Variants in ANHX observed in about 807,000 individuals in gnomAD.
ANHX encodes anomalous homeobox protein.
In ANHX, 20 loss-of-function variants were observed where a neutral mutation model predicts 38.9. The observed-to-expected ratio is 0.51, with a 90% CI of 0.36 to 0.75. ANHX has a LOEUF of 0.75. Among genes scored for constraint, ANHX ranks in the 30% least tolerant of loss-of-function variants. The pLI is 0.00. For synonymous variants in ANHX, 185 were observed against 203.1 expected (o/e 0.91, Z 0.76); for missense variants, 475 against 493.1 (o/e 0.96, Z 0.35).
Position 133,219,332 on chromosome 12 carries a change from G to C in ANHX, c.1316C>G (p.Pro439Arg), listed in dbSNP as rs1054886305. The C allele has an allele frequency of 1.0e-5, 16 of 1,535,018 alleles. No individual in the cohort carries two copies. In the Admixed American group the frequency reaches 2.0e-4, roughly 19 times the overall value. The change falls in exon 9 of 10, where the codon CCC (proline) becomes CGC (arginine). Residue 439 changes from proline to arginine, a missense_variant. Physicochemically the swap from Pro to Arg is moderately radical, Grantham distance 103. Transcript: ENST00000545940. ...PELAPAPSAF[P>R]GPVSAMELSQ... The stretch of plus-strand genomic sequence containing the variant: ...CAGCTCCATGGCAGACACAGGGCCG[G>C]GGAAGGCAGATGGGGCTGGGGCCAG...
At chr12:133,235,130 C>G (rs1217890353) in intron 1 of ANHX, 1 of 152,268 alleles carries the variant, frequency 6.6e-6, no homozygotes, top group Admixed American at 6.5e-5. Context: ...TTCCCGGGCT[C>G]TAGCGCCATC....
At chr12:133,223,679 C>G (rs945648739) in intron 7 of ANHX, among the ~76,000 whole-genome samples, 2 of 152,006 alleles carry the variant, frequency 1.3e-5, no homozygotes, top group African/African-American at 4.8e-5. Context: ...ATCTCTTGAC[C>G]TCATGATCCG....
chr12:133,227,187 C>A (rs1957201821), intron 4 of ANHX, 35 bp from the exon 5 acceptor site: 1 of 1,514,654 alleles, frequency 6.6e-7, no homozygotes. Flanking sequence ...AGCCCTGCTT[C>A]CATTCCCTGA....
At chr12:133,230,389 G>T (rs1197314008) in intron 3 of ANHX, among the ~76,000 whole-genome samples, 1 of 152,230 alleles carries the variant, frequency 6.6e-6, no homozygotes, top group African/African-American at 2.4e-5. Context: ...TACCACGCAA[G>T]AAAATTCTCT....
intron 7 of ANHX, among the ~76,000 whole-genome samples, chr12:133,224,882 G>A (rs1158516883): frequency 2.7e-5 from 4 of 150,728 alleles, no homozygotes; most frequent in Admixed American, 2.6e-4. Context: ...CAGGAGAATG[G>A]CGTGAACCTG....
intron 7 of ANHX, among the ~76,000 whole-genome samples, chr12:133,223,099 G>C (rs1428858829): frequency 6.6e-6 from 1 of 151,980 alleles, no homozygotes; most frequent in Non-Finnish European, 1.5e-5. Context: ...TGAGGCAGGA[G>C]AATCGCTTGA....
chr12:133,218,890 C>T lies in ANHX; in HGVS notation c.1447G>A (p.Gly483Ser), dbSNP rs1346620338. 6.6e-7 allele frequency: 1 copy of T among 1,523,612 alleles called. No individual in the cohort carries two copies. The highest frequency in any genetic ancestry group is 8.8e-7 in the Non-Finnish European group (1 of 1,138,400). 94.4% of individuals were successfully genotyped at this position (1,523,612 alleles called of 1,614,324 possible). A position where few individuals can be genotyped will look rare whatever the true frequency, so the allele number is the denominator to read the frequency against. Residue 483 changes from glycine to serine, a missense_variant, in exon 10 of 10, where the codon GGC becomes AGC. By Grantham distance (56) the Gly-to-Ser change is moderately conservative. Coordinates refer to ENST00000545940, the MANE Select transcript of ANHX (RefSeq NM_001372060.1). Reference protein sequence around the residue: ...MLLEFSGSSLG With the variant: ...MLLEFSGSSLS Reference sequence around the variant, plus strand: ...GTCTGGCTCCTGGGGATAGCTCAGCCCAGGCTGCTCCCTGAAAACTCAAGG... The same window carrying T: ...GTCTGGCTCCTGGGGATAGCTCAGCTCAGGCTGCTCCCTGAAAACTCAAGG...
intron 1 of ANHX, chr12:133,234,627 G>A (rs1179893693): frequency 4.4e-6 from 2 of 451,886 alleles, no homozygotes; most frequent in African/African-American, 4.0e-5. Context: ...CACTGGGCTG[G>A]GTACTGTCTG....
intron 1 of ANHX, chr12:133,235,490 C>T (rs1273984956): frequency 6.6e-6 from 1 of 151,138 alleles, no homozygotes; most frequent in African/African-American, 2.5e-5. Flanking sequence ...AGCCCCCCTA[C>T]CTTTCTGGCA....
At chr12:133,219,700 G>A (rs893000464) in intron 8 of ANHX, among the ~76,000 whole-genome samples, 1 of 152,148 alleles carries the variant, frequency 6.6e-6, no homozygotes, top group African/African-American at 2.4e-5. Context: ...CAGGACAAGG[G>A]GCGGTGGTTC....
rs562584094 is a variant in ANHX, at chr12:133,219,220, C to T, written c.1365+63G>A. On this transcript the variant is annotated intron_variant, in intron 9 of 9. Transcript: ENST00000545940. ...GTGGCACTAGCTGAACCCTCCTCAG[C>T]ACCATGAGCTGCAGATCCAGGAGTA... 49 of 1,417,200 alleles carry T rather than the reference C, an allele frequency of 3.5e-5. No homozygotes were observed. The East Asian group carries it at 1.2e-3, about 35-fold the overall frequency. 87.8% of individuals were successfully genotyped at this position (1,417,200 alleles called of 1,614,324 possible). A position where few individuals can be genotyped will look rare whatever the true frequency, so the allele number is the denominator to read the frequency against.
At chr12:133,224,945 T>TGACA (rs1566404880) in intron 7 of ANHX, among the ~76,000 whole-genome samples, 2 of 136,698 alleles carry the variant, frequency 1.5e-5, no homozygotes, top group Admixed American at 7.6e-5. Context: ...CCAGCCTGGG[T>TGACA]GAGCAAGACT....
At position 133,218,986 on chromosome 12, in the gene ANHX, A is replaced by G. The variant is rs190170878; in HGVS notation, c.1366-15T>C. ...GAACACTGCACCTGGAAGACAACAC[A>G]GTGGTAAACACAGAGGCTTCCTTTC... is the stretch of plus-strand genomic sequence containing the variant. On this transcript the variant is annotated splice_polypyrimidine_tract_variant and intron_variant, in intron 9 of 9. Coordinates refer to ENST00000545940, the MANE Select transcript of ANHX (RefSeq NM_001372060.1). 1,070 of 1,528,362 alleles carry G rather than the reference A, an allele frequency of 7.0e-4. 4 individuals are homozygous for G. The African/African-American group carries it at 0.012, about 17-fold the overall frequency. The allele number at this position is 1,528,362 out of a possible 1,614,324, so 94.7% of individuals were successfully genotyped here.
In ANHX at chr12:133,221,723, G is replaced by T. The variant is rs370278951; in HGVS notation, c.1133-371C>A. Among the ~76,000 whole-genome samples, 4 of 152,158 alleles carry T rather than the reference G, an allele frequency of 2.6e-5. No homozygotes were observed. The highest frequency in any genetic ancestry group is 9.7e-5 in the African/African-American group (4 of 41,438). On this transcript the variant is annotated intron_variant, in intron 7 of 9. Coordinates refer to ENST00000545940, the MANE Select transcript of ANHX (RefSeq NM_001372060.1). The surrounding 1 kb of genome is among the most constrained non-coding windows in gnomAD (Gnocchi z 4.1). ...CAGTCTCCTCTTGTGGCTGGTTCAC[G>T]GAGTGCTTGGCCACCAGCCCTTGGT...
chr12:133,233,656 G>A lies in ANHX; in HGVS notation c.249+452C>T, dbSNP rs182051438. Among the ~76,000 whole-genome samples, 4 of 152,280 alleles carry A rather than the reference G, an allele frequency of 2.6e-5. No homozygotes were observed. The East Asian group carries it at 7.7e-4, about 29-fold the overall frequency. ...ATAGCTTCAGATCAGCACAGGTCAGGTTCAGTGCCTAATGCGTTGAGGTTG... is the reference window on the plus strand; with the variant it reads ...ATAGCTTCAGATCAGCACAGGTCAGATTCAGTGCCTAATGCGTTGAGGTTG... On this transcript the variant is annotated intron_variant, in intron 2 of 9. Coordinates refer to ENST00000545940, the MANE Select transcript of ANHX (RefSeq NM_001372060.1).
Position 133,223,873 on chromosome 12 carries a change from A to G in ANHX, c.1132+1663T>C, listed in dbSNP as rs938026483. ...CCCCCCCAAAAAATAAGAAAAAAAG[A>G]ATCTAAGAGCTCCAAAAAATTATGA... On this transcript the variant is annotated intron_variant, in intron 7 of 9. Coordinates refer to ENST00000545940, the MANE Select transcript of ANHX (RefSeq NM_001372060.1). Among the ~76,000 whole-genome samples the G allele has an allele frequency of 2.6e-5, 4 of 152,136 alleles. No homozygotes were observed. In the South Asian group the frequency reaches 8.3e-4, roughly 31 times the overall value.
rs753167567 is a variant in ANHX at position 133,234,304 on chromosome 12, G to A, written c.53C>T (p.Pro18Leu). 9.8e-6 allele frequency: 15 copies of A among 1,535,970 alleles called. No individual in the cohort carries two copies. Among genetic ancestry groups the A allele is most frequent in the Middle Eastern group, 1.7e-4 (1 of 6,012 alleles). ...GCCCGCAAGGGTCACCAGCTCCGCCGGGGGTGCACAGGTGTCCTCATGCTC... is the reference window on the plus strand; with the variant it reads ...GCCCGCAAGGGTCACCAGCTCCGCCAGGGGTGCACAGGTGTCCTCATGCTC... ...LKEHEDTCAPPAELVTLAGRL... is the reference protein window; with the variant it reads ...LKEHEDTCAPLAELVTLAGRL... The change falls in exon 2 of 10, where the codon CCG becomes CTG. Residue 18 changes from proline to leucine, a missense_variant. Pro to Leu is a moderately conservative substitution (Grantham distance 98, BLOSUM62 -3). Transcript: ENST00000545940.
In ANHX at chr12:133,221,162, C is replaced by T. The variant is rs924797376; in HGVS notation, c.1280+43G>A. 6.5e-7 allele frequency: 1 copy of T among 1,531,498 alleles called. No homozygotes were observed. The highest frequency in any genetic ancestry group is 1.4e-5 in the African/African-American group (1 of 72,940). The allele number at this position is 1,531,498 out of a possible 1,614,324, so 94.9% of individuals were successfully genotyped here. Reference sequence around the variant, plus strand: ...ACTGGGCATTACCCTATCTTGTGGCCTGTGGAAAGGACTGTCCAGGCCTGT... The same window carrying T: ...ACTGGGCATTACCCTATCTTGTGGCTTGTGGAAAGGACTGTCCAGGCCTGT... On this transcript the variant is annotated intron_variant, in intron 8 of 9. Transcript: ENST00000545940. This position sits in a 1 kb window ranked among gnomAD's most constrained non-coding sequence, Gnocchi z 4.1.
At chr12:133,224,068 CAAAT>C (rs1415775877) in intron 7 of ANHX, among the ~76,000 whole-genome samples, 3 of 151,966 alleles carry the variant, frequency 2.0e-5, no homozygotes, top group Non-Finnish European at 4.4e-5. Context: ...ACAAGGGAGT[CAAAT>C]AAAGAAAGAA....
Sources: gnomAD v4.1 joint callset for allele counts (sites outside exome capture counted in the v4.1 genomes callset) on GRCh38, gnomAD v4.1.1 for gene constraint, Gnocchi (gnomAD v3.1) non-coding constraint, MANE v1.5 for transcripts, NCBI Gene and HGNC (gene_info 2026-07-23, HGNC 2026-07-21) for gene names.